UBXN8: variants seen among roughly 807,000 people sequenced by gnomAD.
The protein encoded by UBXN8 is UBX domain-containing protein 8.
In UBXN8, 27 loss-of-function variants were observed where a neutral mutation model predicts 32.1. The observed-to-expected ratio is 0.84, with a 90% CI of 0.62 to 1.16. The LOEUF is 1.16. UBXN8 is among the 50% of genes most tolerant of loss of function. UBXN8 has a pLI of 0.00. For missense variants in UBXN8, 306 were observed against 311.4 expected, an observed-to-expected ratio of 0.98 and a Z score of 0.13; for synonymous variants, 109 against 111.8, an observed-to-expected ratio of 0.98 and a Z score of 0.16.
upstream of UBXN8, among the ~76,000 whole-genome samples, chr8:30,739,416 C>G (rs187978458): frequency 2.0e-4 from 31 of 152,074 alleles, no homozygotes; most frequent in Admixed American, 1.5e-3. Flanking sequence ...TGGTGGCGGG[C>G]GCCTGTAGTC....
chr8:30,757,424 C>T (rs1447464123), intron 5 of UBXN8, among the ~76,000 whole-genome samples: 6 of 151,786 alleles, frequency 4.0e-5, no homozygotes, highest in Non-Finnish European at 7.4e-5. Context: ...TGGTGGCAGG[C>T]ACCTGTAATC....
chr8:30,748,339 A>G (rs1297506070), intron 1 of UBXN8, among the ~76,000 whole-genome samples: 1 of 151,564 alleles, frequency 6.6e-6, no homozygotes, highest in Non-Finnish European at 1.5e-5. Flanking sequence ...GATGGCCCAC[A>G]TCTGTGGTCC....
intron 1 of UBXN8, among the ~76,000 whole-genome samples, chr8:30,748,084 A>C (rs1306416246): frequency 6.8e-6 from 1 of 147,092 alleles, no homozygotes; most frequent in South Asian, 2.2e-4. Context: ...CTGTGTAAAA[A>C]CCTTTATTGT....
chr8:30,739,899 A>G (rs1227734529), upstream of UBXN8, among the ~76,000 whole-genome samples: 1 of 150,574 alleles, frequency 6.6e-6, no homozygotes, highest in Non-Finnish European at 1.5e-5. Flanking sequence ...TCTCTGTGCA[A>G]TGCTTTTTGC....
chr8:30,735,817 G>A (rs1805059044), intron 1 of UBXN8, among the ~76,000 whole-genome samples: 1 of 152,182 alleles, frequency 6.6e-6, no homozygotes. Flanking sequence ...CCAGCCTGGG[G>A]GACAGAGTGA....
chr8:30,765,539 T>C (rs1805977228), intron 7 of UBXN8, among the ~76,000 whole-genome samples: 1 of 151,766 alleles, frequency 6.6e-6, no homozygotes, highest in African/African-American at 2.4e-5. Context: ...ATTTTATATA[T>C]ATATATATGT....
In UBXN8 at chr8:30,766,327, C is replaced by T. The variant is rs547279064; in HGVS notation, c.746C>T (p.Ser249Leu). The change falls in exon 8 of 8, where the codon TCG becomes TTG. Residue 249 changes from serine (S) to leucine (L), a missense_variant. Ser to Leu is a moderately radical substitution (Grantham distance 145). Coordinates refer to ENST00000265616, the MANE Select transcript of UBXN8 (RefSeq NM_005671.4). ...CCTCTGGCAGTGGAGGGAGGCCAGTCGCTGGAGGACATAGGAATAACTGTG... is the reference window on the plus strand; with the variant it reads ...CCTCTGGCAGTGGAGGGAGGCCAGTTGCTGGAGGACATAGGAATAACTGTG... Reference protein sequence around the residue: ...RRPLAVEGGQSLEDIGITVDT... With the variant: ...RRPLAVEGGQLLEDIGITVDT... 47 of 1,613,606 alleles carry T rather than the reference C, an allele frequency of 2.9e-5. No individual in the cohort carries two copies. The South Asian group carries it at 3.5e-4, about 12-fold the overall frequency.
Position 30,763,080 on chromosome 8 carries a change from A to G in UBXN8, c.571-193A>G, listed in dbSNP as rs1360343304. 3.0e-5 allele frequency: 17 copies of G among 559,028 alleles called. No individual in the cohort carries two copies. In the Admixed American group the frequency reaches 5.5e-4, roughly 18 times the overall value. 34.6% of individuals were successfully genotyped at this position (559,028 alleles called of 1,614,324 possible). ...GGGGGTGTCTCAAACTCCTGGCCTC[A>G]AGTGGTCTGCCTGTCTCAGCCTCCC... On this transcript the variant is annotated intron_variant, in intron 6 of 7. Coordinates refer to ENST00000265616, the MANE Select transcript of UBXN8 (RefSeq NM_005671.4).
At chr8:30,761,301 A>G (rs1278833913) in intron 6 of UBXN8, among the ~76,000 whole-genome samples, 6 of 151,864 alleles carry the variant, frequency 4.0e-5, no homozygotes, top group African/African-American at 1.5e-4. Flanking sequence ...CTAGAGTGCA[A>G]TGGCATGATC....
chr8:30,735,651 C>G (rs950735663), intron 1 of UBXN8, among the ~76,000 whole-genome samples: 9 of 152,076 alleles, frequency 5.9e-5, no homozygotes, highest in African/African-American at 1.9e-4. Context: ...CCAGCCTGAC[C>G]AACATGGTGA....
At chr8:30,758,078 A>T (rs2128755572) in intron 5 of UBXN8, among the ~76,000 whole-genome samples, 1 of 151,840 alleles carries the variant, frequency 6.6e-6, no homozygotes, top group African/African-American at 2.4e-5. Context: ...TTGTATTTTT[A>T]GTAGAGACGG....
chr8:30,749,400 A>AAAAAAAAAAT (rs370207198), intron 1 of UBXN8, among the ~76,000 whole-genome samples: 1 of 137,394 alleles, frequency 7.3e-6, no homozygotes, highest in Non-Finnish European at 1.5e-5. Context: ...CTCAAAAAAA[A>AAAAAAAAAAT]AAAATAAAAT....
chr8:30,745,783 C>T (rs1805344688), intron 1 of UBXN8, among the ~76,000 whole-genome samples: 1 of 152,238 alleles, frequency 6.6e-6, no homozygotes. Flanking sequence ...AGGTCTTGCT[C>T]AGTCACCCAG....
chr8:30,730,038 C>T (rs1158610132), upstream of UBXN8, among the ~76,000 whole-genome samples: 1 of 152,182 alleles, frequency 6.6e-6, no homozygotes, highest in African/African-American at 2.4e-5. Context: ...AAAAGTCATC[C>T]CAGTGGTGCC....
In UBXN8 at chr8:30,757,953, C is replaced by T. The variant is rs146315484; in HGVS notation, c.528+1066C>T. 2.7e-3 allele frequency among the ~76,000 whole-genome samples: 405 copies of T among 151,648 alleles called. 2 individuals carry two copies. The highest frequency in any genetic ancestry group is 9.2e-3 in the African/African-American group (379 of 41,390). On this transcript the variant is annotated intron_variant, in intron 5 of 7. Transcript: ENST00000265616. ...CCAGACTGGAATACAGTGGTGAAAT[C>T]TCAGCTCACTGCAGGCTCTGCCTCC... is the stretch of plus-strand genomic sequence containing the variant.
chr8:30,754,892 T>C (rs2128754873), intron 4 of UBXN8, 105 bp downstream of exon 4: 3 of 1,384,702 alleles, frequency 2.2e-6, no homozygotes, highest in Non-Finnish European at 2.9e-6. Context: ...TAGGAGTTTT[T>C]ATTGATAATG....
At chr8:30,734,703 G>A (rs1365753353) in intron 1 of UBXN8, among the ~76,000 whole-genome samples, 1 of 152,120 alleles carries the variant, frequency 6.6e-6, no homozygotes, top group Non-Finnish European at 1.5e-5. Flanking sequence ...CTCTGGGAAG[G>A]GAAGCCACAG....
At chr8:30,741,077 T>C (rs66486224), upstream of UBXN8, among the ~76,000 whole-genome samples, 39,214 of 151,988 alleles carry the variant, frequency 0.26, 5,930 homozygotes, top group African/African-American at 0.42. Flanking sequence ...CAGTGAAATC[T>C]CCATATTGAA....
At chr8:30,749,951 A>G (rs990334473) in intron 1 of UBXN8, among the ~76,000 whole-genome samples, 9 of 152,132 alleles carry the variant, frequency 5.9e-5, no homozygotes, top group Non-Finnish European at 8.8e-5. Context: ...AATTTTCTCT[A>G]TATGGGAAAC....
Sources: gnomAD v4.1 joint callset for allele counts (sites outside exome capture counted in the v4.1 genomes callset) on GRCh38, gnomAD v4.1.1 for gene constraint, MANE v1.5 for transcripts, NCBI Gene and HGNC (gene_info 2026-07-23, HGNC 2026-07-21) for gene names.